Variants in EVA1C observed in about 807,000 individuals in gnomAD.
EVA1C encodes eva-1 homolog C, also known as protein eva-1 homolog C.
A neutral mutation model predicts 45.4 loss-of-function variants in EVA1C; 25 were observed. The ratio of observed to expected loss-of-function variants is 0.55; its 90% CI spans 0.40 to 0.77. The LOEUF is 0.77. EVA1C is among the 30% of genes least tolerant of loss of function. The probability of loss-of-function intolerance (pLI) is 0.00; values close to 1 mark genes in which losing one functional copy is unlikely to be tolerated. For missense variants in EVA1C, 479 were observed against 554.8 expected, an observed-to-expected ratio of 0.86 and a Z score of 1.37; for synonymous variants, 190 against 221.2, an observed-to-expected ratio of 0.86 and a Z score of 1.25.
intron 4 of EVA1C, among the ~76,000 whole-genome samples, chr21:32,487,922 C>T (rs2037026342): frequency 6.6e-6 from 1 of 152,014 alleles, no homozygotes; most frequent in African/African-American, 2.4e-5. Context: ...AAGAAGAACC[C>T]CTGATTTATA....
At chr21:32,445,732 T>A (rs1331809763) in intron 1 of EVA1C, among the ~76,000 whole-genome samples, 2 of 152,222 alleles carry the variant, frequency 1.3e-5, no homozygotes, top group Non-Finnish European at 2.9e-5. Context: ...TCTTCATCTG[T>A]ATTCAAAAAA....
At chr21:32,490,777 G>A (rs2146387886) in intron 4 of EVA1C, among the ~76,000 whole-genome samples, 1 of 152,258 alleles carries the variant, frequency 6.6e-6, no homozygotes, top group Non-Finnish European at 1.5e-5. Context: ...CTCACTGCTA[G>A]TGAATCCTTC....
chr21:32,481,173 A>G (rs2036771617), intron 4 of EVA1C, among the ~76,000 whole-genome samples: 1 of 152,132 alleles, frequency 6.6e-6, no homozygotes, highest in Non-Finnish European at 1.5e-5. Flanking sequence ...TGTAACAGGA[A>G]AAAACGATAC....
At chr21:32,496,693 T>C in intron 5 of EVA1C, 1 of 577,812 alleles carries the variant, frequency 1.7e-6, no homozygotes, top group South Asian at 2.0e-5. Flanking sequence ...TTCAGGCCTC[T>C]TCATCAGAGT....
chr21:32,467,609 G>A, intron 3 of EVA1C, 87 bp from the exon 4 acceptor site: 2 of 1,364,008 alleles, frequency 1.5e-6, no homozygotes, highest in Non-Finnish European at 2.0e-6. Flanking sequence ...TGCAGCCCCG[G>A]GGAAATGAGC....
chr21:32,433,714 T>C (rs1400290395), intron 1 of EVA1C, among the ~76,000 whole-genome samples: 1 of 152,082 alleles, frequency 6.6e-6, no homozygotes, highest in Non-Finnish European at 1.5e-5. Flanking sequence ...GTGGGTTGAA[T>C]TGCATTCCCT....
chr21:32,414,773 G>T (rs1477576376), intron 1 of EVA1C, among the ~76,000 whole-genome samples: 3 of 152,108 alleles, frequency 2.0e-5, no homozygotes, highest in African/African-American at 7.2e-5. Context: ...CCCTGAGCCA[G>T]CAGTAGGTGG....
rs1202447554 is a variant in EVA1C at position 32,471,991 on chromosome 21, A to G, written c.634+4143A>G. Reference sequence around the variant, plus strand: ...AGGCTTACTAGTCTAACTTAGCCACATGTGTTTTAAGAAGCAGCAGTAAGT... The same window carrying G: ...AGGCTTACTAGTCTAACTTAGCCACGTGTGTTTTAAGAAGCAGCAGTAAGT... On this transcript the variant is annotated intron_variant, in intron 4 of 7. Transcript: ENST00000300255. Among the ~76,000 whole-genome samples, 6 of 152,188 alleles carry G rather than the reference A, an allele frequency of 3.9e-5. No homozygotes were observed. The East Asian group carries it at 9.7e-4, about 25-fold the overall frequency.
intron 4 of EVA1C, among the ~76,000 whole-genome samples, chr21:32,472,739 C>G (rs1206970287): frequency 1.3e-5 from 2 of 152,142 alleles, no homozygotes; most frequent in Non-Finnish European, 2.9e-5. Flanking sequence ...TGAGGTCAGC[C>G]AGCAGTGTTA....
intron 3 of EVA1C, among the ~76,000 whole-genome samples, chr21:32,462,991 G>A (rs964208461): frequency 1.3e-5 from 2 of 152,176 alleles, no homozygotes; most frequent in African/African-American, 4.8e-5. Flanking sequence ...ATATTTCTGT[G>A]TGTGTGTCTT....
intron 4 of EVA1C, among the ~76,000 whole-genome samples, chr21:32,490,848 C>G (rs2037129563): frequency 6.6e-6 from 1 of 152,218 alleles, no homozygotes; most frequent in Non-Finnish European, 1.5e-5. Context: ...AGCTCCAATG[C>G]CTGCTAGCAA....
intron 1 of EVA1C, among the ~76,000 whole-genome samples, chr21:32,450,514 C>CA (rs1555857321): frequency 3.3e-5 from 5 of 151,884 alleles, no homozygotes; most frequent in South Asian, 4.2e-4. Flanking sequence ...GACCACAGTC[C>CA]GGGAATGCTG....
chr21:32,485,522 C>G (rs1223697995), intron 4 of EVA1C, among the ~76,000 whole-genome samples: 3 of 152,024 alleles, frequency 2.0e-5, no homozygotes, highest in Non-Finnish European at 2.9e-5. Flanking sequence ...TAGGTTTCTT[C>G]TCTCCTTAAG....
chr21:32,441,981 G>A (rs568981474), intron 1 of EVA1C, among the ~76,000 whole-genome samples: 80 of 152,282 alleles, frequency 5.3e-4, no homozygotes, highest in African/African-American at 1.8e-3. Flanking sequence ...AGGGTCACAA[G>A]GGGTCTCAAG....
intron 7 of EVA1C, among the ~76,000 whole-genome samples, chr21:32,504,855 G>C (rs2037672972): frequency 6.6e-6 from 1 of 151,934 alleles, no homozygotes; most frequent in African/African-American, 2.4e-5. Flanking sequence ...ACATACCTGA[G>C]GCTGGGTAAT....
chr21:32,425,166 C>CAAA (rs1191786034), intron 1 of EVA1C, among the ~76,000 whole-genome samples: 1 of 151,118 alleles, frequency 6.6e-6, no homozygotes, highest in Non-Finnish European at 1.5e-5. Flanking sequence ...AACAAACAAA[C>CAAA]AAACAACAAC....
At chr21:32,445,720 A>G (rs2035339814) in intron 1 of EVA1C, among the ~76,000 whole-genome samples, 1 of 152,154 alleles carries the variant, frequency 6.6e-6, no homozygotes, top group East Asian at 1.9e-4. Context: ...CATGTCGTGA[A>G]CTCTTCATCT....
At chr21:32,487,767 G>A (rs1405123476) in intron 4 of EVA1C, among the ~76,000 whole-genome samples, 1 of 151,268 alleles carries the variant, frequency 6.6e-6, no homozygotes, top group Non-Finnish European at 1.5e-5. Context: ...GGGCATGGGA[G>A]CTCCATGCCC....
At chr21:32,430,790 T>A (rs559046878) in intron 1 of EVA1C, among the ~76,000 whole-genome samples, 20 of 152,066 alleles carry the variant, frequency 1.3e-4, no homozygotes, top group African/African-American at 3.9e-4. Context: ...CTGGCCAACA[T>A]GTTGAAACCC....
Sources: allele counts gnomAD v4.1 joint callset (sites outside exome capture counted in the v4.1 genomes callset), GRCh38; gene constraint gnomAD v4.1.1; transcripts MANE v1.5; gene names NCBI Gene and HGNC (gene_info 2026-07-23, HGNC 2026-07-21).